Variants in WDR18 observed in about 807,000 individuals in gnomAD.
WDR18 encodes the protein WD repeat domain 18, also known as WD repeat-containing protein 18.
In WDR18, 33 loss-of-function variants were observed where a neutral mutation model predicts 49.6. That is an observed-to-expected ratio of 0.67 (90% CI 0.50 to 0.89). WDR18 has a LOEUF of 0.89. Ranked by LOEUF, WDR18 falls within the 40% of genes least tolerant of loss-of-function variation. The pLI, the probability that WDR18 is intolerant of heterozygous loss-of-function variation, is 0.00. For synonymous variants in WDR18, 315 were observed against 263.6 expected (o/e 1.19, Z -1.89); for missense variants, 653 against 593.6 (o/e 1.10, Z -1.04).
intron 2 of WDR18, among the ~76,000 whole-genome samples, chr19:988,323 C>T (rs1040285411): frequency 1.3e-5 from 2 of 152,118 alleles, no homozygotes; most frequent in African/African-American, 4.8e-5. Context: ...GGCTGTGGGG[C>T]GGGAGCTGGT....
upstream of WDR18, among the ~76,000 whole-genome samples, chr19:983,767 C>T (rs983678510): frequency 6.6e-6 from 1 of 151,142 alleles, no homozygotes; most frequent in Non-Finnish European, 1.5e-5. Context: ...GGGCCGGGCG[C>T]GGTGGCTCAC....
At chr19:985,669 T>G (rs1477580927) in intron 1 of WDR18, among the ~76,000 whole-genome samples, 196 bp from the exon 2 acceptor site, 1 of 152,042 alleles carries the variant, frequency 6.6e-6, no homozygotes, top group Non-Finnish European at 1.5e-5. Context: ...ATCTACCACC[T>G]CCAGCCTCGA....
rs114969590 is a variant in WDR18 at position 985,465 on chromosome 19, C to T, written c.211-400C>T. Among the ~76,000 whole-genome samples, 677 of 152,194 alleles carry T rather than the reference C, an allele frequency of 4.4e-3. 8 individuals are homozygous for T. Among genetic ancestry groups the T allele is most frequent in the African/African-American group, 0.015 (629 of 41,490 alleles). Reference sequence around the variant, plus strand: ...GATTACAGCCGTGAGCCACCACGCCCGGCTGAGTTTTCCCATTTTAGAGAG... The same window carrying T: ...GATTACAGCCGTGAGCCACCACGCCTGGCTGAGTTTTCCCATTTTAGAGAG... On this transcript the variant is annotated intron_variant, in intron 1 of 9. Transcript: ENST00000585809.
intron 3 of WDR18, 25 bp downstream of exon 3, chr19:989,920 G>A (rs762498425): frequency 1.3e-6 from 2 of 1,578,306 alleles, no homozygotes; most frequent in Non-Finnish European, 8.6e-7. Context: ...ACTCAGGCCT[G>A]CACCTGGAAC....
chr19:992,869 G>A (rs566624515), intron 8 of WDR18, among the ~76,000 whole-genome samples: 7 of 152,238 alleles, frequency 4.6e-5, no homozygotes, highest in Non-Finnish European at 1.0e-4. Flanking sequence ...CCCTCGCTGG[G>A]CTCTGGCGCT....
At chr19:982,999 C>T (rs2038433965), upstream of WDR18, among the ~76,000 whole-genome samples, 1 of 152,202 alleles carries the variant, frequency 6.6e-6, no homozygotes, top group Admixed American at 6.5e-5. Flanking sequence ...GACCGCACCC[C>T]GCATGCAGCC....
At chr19:990,399 G>A (rs752495166) in intron 4 of WDR18, 35 bp downstream of exon 4, 62 of 1,485,936 alleles carry the variant, frequency 4.2e-5, no homozygotes, top group East Asian at 7.6e-5. Context: ...GTCCATGAGC[G>A]GAGCCCAGCA....
chr19:993,569 A>G (rs74531697), intron 8 of WDR18, among the ~76,000 whole-genome samples: 3,668 of 152,330 alleles, frequency 0.024, 92 homozygotes, highest in East Asian at 0.096. Flanking sequence ...TCCCCCAGCA[A>G]CGTCCCTCCA....
chr19:989,224 C>T (rs564490474), intron 2 of WDR18, among the ~76,000 whole-genome samples: 1 of 151,094 alleles, frequency 6.6e-6, no homozygotes, highest in Non-Finnish European at 1.5e-5. Flanking sequence ...CCCTCGAACC[C>T]ACAACCCCCA....
intron 8 of WDR18, among the ~76,000 whole-genome samples, chr19:992,448 G>A (rs1599448948): frequency 2.0e-5 from 3 of 152,348 alleles, no homozygotes; most frequent in African/African-American, 7.2e-5. Context: ...CCCATACTTC[G>A]GGCTGTGAGA....
At chr19:991,857 G>T in intron 7 of WDR18, 98 bp from the exon 8 acceptor site, 1 of 1,307,862 alleles carries the variant, frequency 7.6e-7, no homozygotes, top group Non-Finnish European at 9.8e-7. Context: ...GCGGGGACTG[G>T]CTGGGGGCGG....
chr19:990,930 G>T lies in WDR18; in HGVS notation c.676G>T (p.Ala226Ser), dbSNP rs1229111135. 2.5e-6 allele frequency: 4 copies of T among 1,612,806 alleles called. No homozygotes were observed. The East Asian group carries it at 6.7e-5, about 27-fold the overall frequency. ...CATCATGGCAGTGACCATGGACCTG[G>T]CTGAGCACCATATGTTCTGCGGGGG... is the stretch of plus-strand genomic sequence containing the variant. ...VSIMAVTMDL[A>S]EHHMFCGGSE... Residue 226 changes from alanine (A) to serine (S), a missense_variant, in exon 5 of 10, where the codon GCT becomes TCT. By Grantham distance (99) the Ala-to-Ser change is moderately conservative. Coordinates refer to ENST00000585809, the MANE Select transcript of WDR18 (RefSeq NM_024100.4).
At chr19:990,104 G>A in intron 3 of WDR18, 119 bp from the exon 4 acceptor site, 4 of 1,401,186 alleles carry the variant, frequency 2.9e-6, no homozygotes, top group Non-Finnish European at 3.8e-6. Context: ...GTTTACTCAG[G>A]TGAGGCAGGC....
chr19:990,133 C>T (rs977196756), intron 3 of WDR18, 90 bp from the exon 4 acceptor site: 14 of 1,443,494 alleles, frequency 9.7e-6, no homozygotes, highest in Non-Finnish European at 1.1e-5. Context: ...TGAGTGGAGG[C>T]AGGTGTGTGC....
intron 8 of WDR18, among the ~76,000 whole-genome samples, chr19:993,559 TC>T (rs964433131): frequency 6.6e-5 from 10 of 152,160 alleles, no homozygotes; most frequent in African/African-American, 2.4e-4. Context: ...CGACCTCTGA[TC>T]CCCCAGCAAC....
At chr19:986,770 G>A (rs2038479908) in intron 2 of WDR18, among the ~76,000 whole-genome samples, 1 of 152,246 alleles carries the variant, frequency 6.6e-6, no homozygotes, top group South Asian at 2.1e-4. Context: ...AGATGTGCCA[G>A]GGAGACTTCA....
At chr19:982,990 A>G (rs1284325805), upstream of WDR18, among the ~76,000 whole-genome samples, 3 of 152,032 alleles carry the variant, frequency 2.0e-5, no homozygotes, top group Non-Finnish European at 4.4e-5. Flanking sequence ...GCCTCCGGGG[A>G]CCGCACCCCG....
chr19:991,858 CTGGGGGCGGGGACTGCCCTGGA>C, intron 7 of WDR18, 75 bp from the exon 8 acceptor site: 1 of 1,173,548 alleles, frequency 8.5e-7, no homozygotes, highest in Non-Finnish European at 1.1e-6. Context: ...CGGGGACTGG[CTGGGGGCGGGGACTGCCCTGGA>C]TGGGGCGGAA....
Position 991,980 on chromosome 19 carries a change from G to C in WDR18, c.957G>C (p.Leu319=). 5 of 1,594,500 alleles carry C rather than the reference G, an allele frequency of 3.1e-6. No homozygotes were observed. The highest frequency in any genetic ancestry group is 4.3e-6 in the Non-Finnish European group (5 of 1,175,050). The change falls in exon 8 of 10, where the codon CTG becomes CTC. Residue 319 remains leucine, a synonymous_variant. Transcript: ENST00000585809. ...LKGPVTNAAI[L]LAPVSMLSSD... ...GCCCAGTCACCAATGCCGCCATCCTGCTGGCGCCCGTCAGCATGCTGAGCT... is the reference window on the plus strand; with the variant it reads ...GCCCAGTCACCAATGCCGCCATCCTCCTGGCGCCCGTCAGCATGCTGAGCT...
Sources: allele counts gnomAD v4.1 joint callset (sites outside exome capture counted in the v4.1 genomes callset), GRCh38; gene constraint gnomAD v4.1.1; transcripts MANE v1.5; gene names NCBI Gene and HGNC (gene_info 2026-07-23, HGNC 2026-07-21).